NOL4: variants seen among roughly 807,000 people sequenced by gnomAD.
NOL4 encodes nucleolar protein 4.
NOL4 carries 17 observed loss-of-function variants against 75.9 expected under a neutral mutation model. That is an observed-to-expected ratio of 0.22 (90% confidence interval 0.15 to 0.34). The LOEUF is 0.34. Among genes scored for constraint, NOL4 ranks in the 10% least tolerant of loss-of-function variants. The probability of loss-of-function intolerance (pLI) is 1.00; values close to 1 mark genes in which losing one functional copy is unlikely to be tolerated. For missense variants in NOL4, 614 were observed against 793.5 expected (o/e 0.77, Z 2.72); for synonymous variants, 292 against 289.9 (o/e 1.01, Z -0.07).
In NOL4 at chr18:34,223,540, C is replaced by A. The variant is rs2037462052; in HGVS notation, c.-287G>T. ...GGTCGGTCTCTTTAATATTTTGTGACCAGGACCATCCCAACACCATTCTGG... is the reference window on the plus strand; with the variant it reads ...GGTCGGTCTCTTTAATATTTTGTGAACAGGACCATCCCAACACCATTCTGG... On this transcript the variant is annotated 5_prime_UTR_variant, in exon 1 of 11. Coordinates refer to ENST00000261592, the MANE Select transcript of NOL4 (RefSeq NM_003787.5). 4.0e-6 allele frequency: 2 copies of A among 501,134 alleles called. No homozygotes were observed. The highest frequency in any genetic ancestry group is 7.3e-5 in the Admixed American group (2 of 27,486). 31.0% of individuals were successfully genotyped at this position (501,134 alleles called of 1,614,324 possible). A position where few individuals can be genotyped will look rare whatever the true frequency, so the allele number is the denominator to read the frequency against.
At position 34,059,110 on chromosome 18, in the gene NOL4, T is replaced by C. The variant is rs1010600246; in HGVS notation, c.772+34355A>G. 2.5e-5 allele frequency among the ~76,000 whole-genome samples: 3 copies of C among 121,498 alleles called. No individual in the cohort carries two copies. The South Asian group carries it at 9.0e-4, about 36-fold the overall frequency. 79.7% of individuals were successfully genotyped at this position (121,498 alleles called of 152,430 possible). Reference sequence around the variant, plus strand: ...AAAATCACACATATATATAGAGAGATAGATAGATATACATATATATATATA... The same window carrying C: ...AAAATCACACATATATATAGAGAGACAGATAGATATACATATATATATATA... On this transcript the variant is annotated intron_variant, in intron 5 of 10. Transcript: ENST00000261592.
chr18:34,187,164 T>A (rs1471354607), intron 1 of NOL4, among the ~76,000 whole-genome samples: 2 of 152,118 alleles, frequency 1.3e-5, no homozygotes, highest in Non-Finnish European at 2.9e-5. Flanking sequence ...TGCCCTAAAA[T>A]TCCCTTGTGC....
At position 34,150,468 on chromosome 18, in the gene NOL4, G is replaced by C. The variant is rs550851829; in HGVS notation, c.265-20448C>G. On this transcript the variant is annotated intron_variant, in intron 1 of 10. Coordinates refer to ENST00000261592, the MANE Select transcript of NOL4 (RefSeq NM_003787.5). Reference sequence around the variant, plus strand: ...TAGTCAACTGATCTTTGACAAAGGAGCAACAGCAATACAATGAAGAAAAGA... The same window carrying C: ...TAGTCAACTGATCTTTGACAAAGGACCAACAGCAATACAATGAAGAAAAGA... Among the ~76,000 whole-genome samples the C allele has an allele frequency of 4.6e-5, 7 of 151,718 alleles. No homozygotes were observed. In the South Asian group the frequency reaches 1.5e-3, roughly 31 times the overall value.
At chr18:33,960,990 G>C (rs942895123) in intron 6 of NOL4, among the ~76,000 whole-genome samples, 3 of 151,924 alleles carry the variant, frequency 2.0e-5, no homozygotes, top group Non-Finnish European at 4.4e-5. Context: ...ATATGGGCTG[G>C]AGCCTATTTA....
chr18:33,851,252 T>A lies in NOL4; in HGVS notation c.*1590A>T, dbSNP rs1341268351. The A allele has an allele frequency of 2.6e-5, 4 of 152,532 alleles. No individual in the cohort carries two copies. Among genetic ancestry groups the A allele is most frequent in the African/African-American group, 9.6e-5 (4 of 41,454 alleles). The allele number at this position is 152,532 out of a possible 1,614,324, so 9.4% of individuals were successfully genotyped here. On this transcript the variant is annotated 3_prime_UTR_variant, in exon 11 of 11. Transcript: ENST00000261592. Reference sequence around the variant, plus strand: ...CTATGTATTTCCAAAATACTCATATTTCAATAAGATTTTTCACATTATATT... The same window carrying A: ...CTATGTATTTCCAAAATACTCATATATCAATAAGATTTTTCACATTATATT...
intron 10 of NOL4, among the ~76,000 whole-genome samples, chr18:33,879,099 C>A (rs930176940): frequency 6.6e-5 from 10 of 151,982 alleles, no homozygotes; most frequent in Non-Finnish European, 1.3e-4. Flanking sequence ...CATCACTTTT[C>A]TTTTAATTTG....
At chr18:34,134,491 C>CAA (rs1223693840) in intron 1 of NOL4, among the ~76,000 whole-genome samples, 16 of 132,704 alleles carry the variant, frequency 1.2e-4, no homozygotes, top group African/African-American at 4.3e-4. Flanking sequence ...CACACACACA[C>CAA]ACACATTGAT....
intron 4 of NOL4, among the ~76,000 whole-genome samples, chr18:34,097,402 C>A (rs529822423): frequency 1.3e-5 from 2 of 151,324 alleles, no homozygotes; most frequent in African/African-American, 4.9e-5. Flanking sequence ...TCCCCAGGTC[C>A]CACATATCAG....
At chr18:34,003,023 A>C (rs1210675884) in intron 6 of NOL4, among the ~76,000 whole-genome samples, 3 of 152,048 alleles carry the variant, frequency 2.0e-5, no homozygotes, top group Non-Finnish European at 4.4e-5. Flanking sequence ...AGGAAAACCC[A>C]CTCAAAATCA....
intron 9 of NOL4, among the ~76,000 whole-genome samples, chr18:33,897,833 A>G (rs2065505204): frequency 1.3e-5 from 2 of 152,066 alleles, no homozygotes; most frequent in South Asian, 4.1e-4. Context: ...ATTAAAAAAA[A>G]CTACATTTAG....
intron 10 of NOL4, among the ~76,000 whole-genome samples, chr18:33,877,437 T>TAAAAAAA (rs35251455): frequency 5.6e-5 from 6 of 106,240 alleles, no homozygotes; most frequent in African/African-American, 1.8e-4. Context: ...GACCTTGCCT[T>TAAAAAAA]AAAAAAAAAA....
At chr18:34,042,966 G>A (rs979125525) in intron 5 of NOL4, among the ~76,000 whole-genome samples, 7 of 152,078 alleles carry the variant, frequency 4.6e-5, no homozygotes, top group African/African-American at 7.2e-5. Flanking sequence ...TGGTTTGGAC[G>A]TAATCTCTCT....
chr18:33,888,161 T>C (rs2064875383), intron 9 of NOL4, among the ~76,000 whole-genome samples: 1 of 152,348 alleles, frequency 6.6e-6, no homozygotes, highest in African/African-American at 2.4e-5. Context: ...TGCATTTCTC[T>C]GATGACCAGT....
intron 6 of NOL4, among the ~76,000 whole-genome samples, chr18:33,979,866 A>G (rs575444039): frequency 6.6e-6 from 1 of 152,198 alleles, no homozygotes; most frequent in South Asian, 2.1e-4. Flanking sequence ...TCATAACACC[A>G]TAAATTATTC....
chr18:34,079,835 C>T (rs563912020), intron 5 of NOL4, among the ~76,000 whole-genome samples: 1 of 152,160 alleles, frequency 6.6e-6, no homozygotes, highest in Non-Finnish European at 1.5e-5. Context: ...CTGCATCTTG[C>T]AAGTCAAAGT....
intron 1 of NOL4, among the ~76,000 whole-genome samples, chr18:34,140,301 T>C (rs1600706180): frequency 6.6e-6 from 1 of 152,166 alleles, no homozygotes; most frequent in East Asian, 1.9e-4. Context: ...CAACTATTAT[T>C]GTGTGGGAGT....
chr18:34,149,345 G>T (rs1380967140), intron 1 of NOL4, among the ~76,000 whole-genome samples: 3 of 151,544 alleles, frequency 2.0e-5, no homozygotes, highest in East Asian at 3.9e-4. Flanking sequence ...AGAGATAAGG[G>T]TCAATCTTGT....
At chr18:34,174,844 A>G (rs1600799055) in intron 1 of NOL4, among the ~76,000 whole-genome samples, 1 of 152,278 alleles carries the variant, frequency 6.6e-6, no homozygotes, top group East Asian at 1.9e-4. Flanking sequence ...ATGTCCATGC[A>G]AAGGACATGA....
intron 6 of NOL4, among the ~76,000 whole-genome samples, chr18:33,964,188 T>C (rs1445951290): frequency 6.6e-6 from 1 of 152,206 alleles, no homozygotes; most frequent in Middle Eastern, 3.4e-3. Flanking sequence ...GCCAAACACA[T>C]AGAAGGAATA....
Sources: allele counts gnomAD v4.1 joint callset (sites outside exome capture counted in the v4.1 genomes callset), GRCh38; gene constraint gnomAD v4.1.1; transcripts MANE v1.5; gene names NCBI Gene and HGNC (gene_info 2026-07-23, HGNC 2026-07-21).